DPYD: variants seen among roughly 807,000 people sequenced by gnomAD.
The protein encoded by DPYD is dihydropyrimidine dehydrogenase.
In DPYD, 109 loss-of-function variants were observed where a neutral mutation model predicts 116.2. The observed-to-expected ratio is 0.94, with a 90% CI of 0.80 to 1.10. The LOEUF (loss-of-function observed/expected upper bound fraction) is 1.10, where lower values mean the gene tolerates loss of function less well. Among genes scored for constraint, DPYD ranks in the 50% least tolerant of loss-of-function variants. The pLI, the probability that DPYD is intolerant of heterozygous loss-of-function variation, is 0.00. For synonymous variants in DPYD, 440 were observed against 432.0 expected, an observed-to-expected ratio of 1.02 and a Z score of -0.23; for missense variants, 1,302 against 1,254.5, an observed-to-expected ratio of 1.04 and a Z score of -0.57.
chr1:97,543,342 A>G (rs1650591118), intron 12 of DPYD, among the ~76,000 whole-genome samples: 2 of 152,194 alleles, frequency 1.3e-5, no homozygotes, highest in African/African-American at 2.4e-5. Flanking sequence ...CTATTACTTA[A>G]TAAGTGGTAA....
chr1:97,920,238 T>A (rs1285447685), intron 1 of DPYD, among the ~76,000 whole-genome samples: 4 of 152,182 alleles, frequency 2.6e-5, no homozygotes, highest in South Asian at 2.1e-4. Flanking sequence ...AGATTTTTTT[T>A]AACAGAAACG....
At chr1:97,835,306 A>G (rs1206912942) in intron 2 of DPYD, among the ~76,000 whole-genome samples, 1 of 152,132 alleles carries the variant, frequency 6.6e-6, no homozygotes. Flanking sequence ...TGAAAGTAAT[A>G]TTATCCACTC....
intron 2 of DPYD, among the ~76,000 whole-genome samples, chr1:97,867,645 G>T (rs984327427): frequency 6.6e-6 from 1 of 151,654 alleles, no homozygotes; most frequent in African/African-American, 2.4e-5. Flanking sequence ...AATTGATGCA[G>T]GAAAAAACAT....
At chr1:97,871,128 A>G (rs1671639495) in intron 2 of DPYD, among the ~76,000 whole-genome samples, 1 of 151,884 alleles carries the variant, frequency 6.6e-6, no homozygotes. Context: ...TGCTTCATTA[A>G]TATCTTTTAA....
chr1:97,182,192 C>G (rs1229650734), intron 20 of DPYD, among the ~76,000 whole-genome samples: 1 of 151,996 alleles, frequency 6.6e-6, no homozygotes, highest in Non-Finnish European at 1.5e-5. Context: ...AAATTTTATC[C>G]AACATTTTTT....
chr1:97,699,437 T>C lies in DPYD; in HGVS notation c.594A>G (p.Ala198=). The change falls in exon 6 of 23, where the codon GCA becomes GCG. Residue 198 remains alanine, a synonymous_variant. Coordinates refer to ENST00000370192, the MANE Select transcript of DPYD (RefSeq NM_000110.4). ...AKIALFGAGP[A]SISCASFLAR... ...CCAAAAAGGAAGCACAACTTATACTTGCAGGCCCAGCACCAAAAAGAGCAA... is the reference window on the plus strand; with the variant it reads ...CCAAAAAGGAAGCACAACTTATACTCGCAGGCCCAGCACCAAAAAGAGCAA... The C allele has an allele frequency of 6.2e-7, 1 of 1,613,720 alleles. No homozygotes were observed. Among genetic ancestry groups the C allele is most frequent in the South Asian group, 1.1e-5 (1 of 91,076 alleles).
At chr1:97,145,658 A>G (rs1654562202) in intron 20 of DPYD, among the ~76,000 whole-genome samples, 1 of 152,036 alleles carries the variant, frequency 6.6e-6, no homozygotes, top group African/African-American at 2.4e-5. Flanking sequence ...GTCAAAGATC[A>G]CTGTAATGAA....
intron 4 of DPYD, among the ~76,000 whole-genome samples, chr1:97,738,546 G>C (rs1201167313): frequency 1.3e-5 from 2 of 152,064 alleles, no homozygotes; most frequent in Non-Finnish European, 2.9e-5. Context: ...CACCCCTCCT[G>C]CGTTGAGGTC....
intron 14 of DPYD, among the ~76,000 whole-genome samples, chr1:97,428,797 T>G (rs1197532678): frequency 6.6e-6 from 1 of 151,438 alleles, no homozygotes; most frequent in African/African-American, 2.4e-5. Flanking sequence ...TTTGAGCATG[T>G]GTAGGTGTTT....
chr1:97,899,106 T>TTTTG (rs1558040544), intron 1 of DPYD, among the ~76,000 whole-genome samples: 4 of 151,700 alleles, frequency 2.6e-5, no homozygotes, highest in African/African-American at 9.7e-5. Context: ...GTTTTGTTTT[T>TTTTG]TTTTTTAATG....
At chr1:97,249,129 G>A (rs1458083393) in intron 18 of DPYD, among the ~76,000 whole-genome samples, 1 of 152,156 alleles carries the variant, frequency 6.6e-6, no homozygotes, top group Non-Finnish European at 1.5e-5. Flanking sequence ...TACAAAGGAT[G>A]TAGATTAGCA....
At chr1:97,772,960 T>C (rs969543430) in intron 3 of DPYD, among the ~76,000 whole-genome samples, 3 of 152,220 alleles carry the variant, frequency 2.0e-5, no homozygotes, top group Admixed American at 6.5e-5. Context: ...TGATTTTTCA[T>C]GGCCTCTGCA....
chr1:97,478,476 C>A (rs371366307), intron 13 of DPYD, among the ~76,000 whole-genome samples: 1 of 152,118 alleles, frequency 6.6e-6, no homozygotes, highest in African/African-American at 2.4e-5. Context: ...TTAGTAGAGA[C>A]GGGTTTTCAC....
intron 20 of DPYD, among the ~76,000 whole-genome samples, chr1:97,103,136 A>G (rs868228919): frequency 2.0e-5 from 3 of 152,050 alleles, no homozygotes; most frequent in Non-Finnish European, 2.9e-5. Context: ...CCTAATTTCA[A>G]TCTCTGCTCA....
chr1:97,566,810 T>C (rs1171922079), intron 11 of DPYD, among the ~76,000 whole-genome samples: 1 of 152,138 alleles, frequency 6.6e-6, no homozygotes, highest in Non-Finnish European at 1.5e-5. Flanking sequence ...GTTTTGTTGT[T>C]TGAAAAATAG....
intron 3 of DPYD, among the ~76,000 whole-genome samples, chr1:97,805,471 C>A (rs968445872): frequency 6.6e-6 from 1 of 151,704 alleles, no homozygotes; most frequent in Non-Finnish European, 1.5e-5. Context: ...TTTTGTCTTC[C>A]TTTAAACATA....
intron 3 of DPYD, among the ~76,000 whole-genome samples, chr1:97,758,733 C>G (rs2101120868): frequency 6.6e-6 from 1 of 152,236 alleles, no homozygotes; most frequent in Middle Eastern, 3.4e-3. Context: ...GAGAATCAGG[C>G]ACTGACCTTC....
chr1:97,278,153 G>T (rs1475834505), intron 18 of DPYD, among the ~76,000 whole-genome samples: 1 of 152,144 alleles, frequency 6.6e-6, no homozygotes, highest in South Asian at 2.1e-4. Flanking sequence ...TCTCTTGATT[G>T]CAGCTTAATA....
intron 20 of DPYD, among the ~76,000 whole-genome samples, chr1:97,161,851 T>C (rs892998360): frequency 1.9e-4 from 29 of 151,546 alleles, no homozygotes; most frequent in African/African-American, 7.0e-4. Context: ...GATAGTTTAC[T>C]GAGAATGATG....
Sources: allele counts gnomAD v4.1 joint callset (sites outside exome capture counted in the v4.1 genomes callset), GRCh38; gene constraint gnomAD v4.1.1; transcripts MANE v1.5; gene names NCBI Gene and HGNC (gene_info 2026-07-23, HGNC 2026-07-21).